TMEM44: variants seen among roughly 807,000 people sequenced by gnomAD.
TMEM44 encodes the protein transmembrane protein 44.
TMEM44 carries 43 observed loss-of-function variants against 47.8 expected under a neutral mutation model. That is an observed-to-expected ratio of 0.90 (90% confidence interval 0.70 to 1.16). The LOEUF (loss-of-function observed/expected upper bound fraction) is 1.16, where lower values mean the gene tolerates loss of function less well. TMEM44 is among the 50% of genes most tolerant of loss of function. The probability of loss-of-function intolerance (pLI) is 0.00; values close to 1 mark genes in which losing one functional copy is unlikely to be tolerated. For missense variants in TMEM44, 568 were observed against 555.2 expected, an observed-to-expected ratio of 1.02 and a Z score of -0.23; for synonymous variants, 277 against 238.8, an observed-to-expected ratio of 1.16 and a Z score of -1.48.
At chr3:194,591,365 G>A (rs988491902) in intron 9 of TMEM44, among the ~76,000 whole-genome samples, 3 of 151,930 alleles carry the variant, frequency 2.0e-5, no homozygotes, top group Admixed American at 6.6e-5. Flanking sequence ...ATGGTGACAG[G>A]CGCCTATAAT....
chr3:194,598,183 G>A (rs1363402589), intron 9 of TMEM44, among the ~76,000 whole-genome samples: 8 of 152,158 alleles, frequency 5.3e-5, no homozygotes, highest in South Asian at 4.2e-4. Flanking sequence ...GACATGATTC[G>A]TCTGGTACCC....
At chr3:194,600,120 C>T (rs543812119) in intron 9 of TMEM44, among the ~76,000 whole-genome samples, 28 of 151,084 alleles carry the variant, frequency 1.9e-4, no homozygotes, top group African/African-American at 6.6e-4. Context: ...CAGACAGGGT[C>T]TCACTCTGAT....
chr3:194,628,598 T>C (rs1432843561), intron 1 of TMEM44, 89 bp from the exon 2 acceptor site: 3 of 1,447,210 alleles, frequency 2.1e-6, no homozygotes, highest in Non-Finnish European at 2.8e-6. Flanking sequence ...TGACCCCGCA[T>C]CGTCAGGGAG....
intron 7 of TMEM44, among the ~76,000 whole-genome samples, chr3:194,614,565 G>A (rs983515434): frequency 5.3e-5 from 8 of 151,934 alleles, no homozygotes; most frequent in Non-Finnish European, 1.2e-4. Context: ...CACCATACCC[G>A]GCCAATTTTT....
intron 1 of TMEM44, among the ~76,000 whole-genome samples, chr3:194,630,321 A>G (rs1266508087): frequency 2.7e-5 from 1 of 37,688 alleles, no homozygotes; most frequent in Non-Finnish European, 4.8e-5. Context: ...GGCTGTTTCC[A>G]TCGGCGTCAC....
rs532557676 is a variant in TMEM44, at chr3:194,614,165, A to C, written c.912+1404T>G. ...CAAAACAAAACAAAAAACCAAAAAA[A>C]CCACAAGGAATAGAGTAAGTAGTTA... On this transcript the variant is annotated intron_variant, in intron 7 of 9. Transcript: ENST00000347147. Among the ~76,000 whole-genome samples the C allele has an allele frequency of 7.9e-5, 12 of 152,170 alleles. No individual in the cohort carries two copies. The South Asian group carries it at 1.9e-3, about 24-fold the overall frequency.
intron 1 of TMEM44, chr3:194,632,829 G>T: frequency 1.9e-6 from 1 of 521,750 alleles, no homozygotes; most frequent in Non-Finnish European, 3.3e-6. Context: ...AGGGCTCGCG[G>T]TGTCCTCGGG....
rs369611318 is a variant in TMEM44, at chr3:194,617,118, C to A, written c.764G>T (p.Arg255Leu). The A allele has an allele frequency of 1.9e-6, 3 of 1,550,240 alleles. No homozygotes were observed. Among genetic ancestry groups the A allele is most frequent in the South Asian group, 1.2e-5 (1 of 82,990 alleles). ...GGATACAGCGAGGTCCAGTGCCGCA[C>A]GGCCGAGGGAGGTCAGGAACCAGGG... is the stretch of plus-strand genomic sequence containing the variant. ...ATPWFLTSLG[R>L]AALDLAIIFL... The change falls in exon 6 of 10, where the codon CGT becomes CTT. Residue 255 changes from arginine to leucine, a missense_variant. Transcript: ENST00000347147.
At chr3:194,592,142 C>T (rs961722543) in intron 9 of TMEM44, among the ~76,000 whole-genome samples, 10 of 150,912 alleles carry the variant, frequency 6.6e-5, no homozygotes, top group South Asian at 2.1e-4. Context: ...GGCATGAACC[C>T]AGGAGGCGGA....
chr3:194,591,810 T>C (rs1029318530), intron 9 of TMEM44, among the ~76,000 whole-genome samples: 1 of 151,984 alleles, frequency 6.6e-6, no homozygotes, highest in African/African-American at 2.4e-5. Flanking sequence ...TCTCGCCACG[T>C]TGGCCAGACT....
chr3:194,612,397 A>C (rs1037561409), intron 7 of TMEM44, among the ~76,000 whole-genome samples: 1 of 152,162 alleles, frequency 6.6e-6, no homozygotes, highest in African/African-American at 2.4e-5. Context: ...TCTGCGTCAC[A>C]TACACCACGA....
intron 9 of TMEM44, among the ~76,000 whole-genome samples, chr3:194,600,042 G>A (rs1713897856): frequency 6.6e-6 from 1 of 151,920 alleles, no homozygotes. Flanking sequence ...TTACAGGTGT[G>A]AGCCACCAAG....
At chr3:194,617,987 G>A (rs979276526) in intron 5 of TMEM44, among the ~76,000 whole-genome samples, 2 of 152,160 alleles carry the variant, frequency 1.3e-5, no homozygotes, top group Non-Finnish European at 2.9e-5. Flanking sequence ...GGTCCCTGAG[G>A]CCTCCCCAGA....
intron 3 of TMEM44, among the ~76,000 whole-genome samples, chr3:194,625,696 G>A (rs1176183756): frequency 1.3e-5 from 2 of 152,148 alleles, no homozygotes; most frequent in Non-Finnish European, 2.9e-5. Context: ...TGGCCAGGAT[G>A]GTCTGGATCT....
intron 5 of TMEM44, among the ~76,000 whole-genome samples, chr3:194,618,791 A>G (rs1473452651): frequency 2.0e-5 from 3 of 152,194 alleles, no homozygotes; most frequent in Non-Finnish European, 2.9e-5. Context: ...CTCAAAAAGA[A>G]TCCTTAAGAG....
intron 9 of TMEM44, chr3:194,589,997 A>G (rs1336681296): frequency 6.6e-6 from 1 of 152,222 alleles, no homozygotes; most frequent in Non-Finnish European, 1.5e-5. Flanking sequence ...CAAAGATGAC[A>G]AAGGCTGTGT....
chr3:194,619,554 T>C (rs1716301154), intron 5 of TMEM44, among the ~76,000 whole-genome samples: 1 of 152,230 alleles, frequency 6.6e-6, no homozygotes, highest in African/African-American at 2.4e-5. Context: ...TTCGTACCCC[T>C]GTCCCATTCG....
At position 194,588,615 on chromosome 3, in the gene TMEM44, C is replaced by A. The variant is rs183848229; in HGVS notation, c.1201G>T (p.Glu401Ter). 1.9e-6 allele frequency: 3 copies of A among 1,614,158 alleles called. No individual in the cohort carries two copies. The highest frequency in any genetic ancestry group is 1.7e-6 in the Non-Finnish European group (2 of 1,180,042). The part of the protein sequence containing the change: ...LEWDPEDVNL[E>*]GSKENVELLG... ...AGCTCCACATTTTCTTTGCTGCCTT[C>A]GAGGTTCACATCTTCAGGGTCCCAC... Residue 401 changes from glutamate (E) to a stop codon, truncating the protein, a stop_gained, in exon 10 of 10, where the codon GAA becomes TAA. Coordinates refer to ENST00000347147, the MANE Select transcript of TMEM44 (RefSeq NM_001011655.3). LOFTEE classifies it low-confidence loss of function (END_TRUNC).
At chr3:194,594,333 T>G (rs886524011) in intron 9 of TMEM44, among the ~76,000 whole-genome samples, 1 of 151,986 alleles carries the variant, frequency 6.6e-6, no homozygotes, top group Admixed American at 6.6e-5. Context: ...CCAGCTAATT[T>G]TGTATTTTTA....
Sources: allele counts gnomAD v4.1 joint callset (sites outside exome capture counted in the v4.1 genomes callset), GRCh38; gene constraint gnomAD v4.1.1; transcripts MANE v1.5; gene names NCBI Gene and HGNC (gene_info 2026-07-23, HGNC 2026-07-21).